Variants in CATSPERB observed in about 807,000 individuals in gnomAD.
CATSPERB encodes the protein catsper channel auxiliary subunit beta.
Under a neutral mutation model 128.3 loss-of-function variants are expected in CATSPERB, and 93 were observed. That is an observed-to-expected ratio of 0.72 (90% confidence interval 0.61 to 0.86). The LOEUF is 0.86. Ranked by LOEUF, CATSPERB falls within the 40% of genes least tolerant of loss-of-function variation. The probability of loss-of-function intolerance (pLI) is 0.00; values close to 1 mark genes in which losing one functional copy is unlikely to be tolerated. For synonymous variants in CATSPERB, 381 were observed against 448.8 expected (o/e 0.85, Z 1.91); for missense variants, 1,153 against 1,329.5 (o/e 0.87, Z 2.06).
rs1447787894 is a variant in CATSPERB at position 91,672,850 on chromosome 14, T to C, written c.1128+17A>G. 1.3e-6 allele frequency: 2 copies of C among 1,520,526 alleles called. No individual in the cohort carries two copies. The highest frequency in any genetic ancestry group is 1.8e-6 in the Non-Finnish European group (2 of 1,142,678). 94.2% of individuals were successfully genotyped at this position (1,520,526 alleles called of 1,614,324 possible). A position where few individuals can be genotyped will look rare whatever the true frequency, so the allele number is the denominator to read the frequency against. On this transcript the variant is annotated intron_variant, in intron 13 of 26. Transcript: ENST00000256343. Reference sequence around the variant, plus strand: ...TTGTCATGTCAAGATAAATTCCCTCTGGGATATAAGGCCTACCTTGTTATA... The same window carrying C: ...TTGTCATGTCAAGATAAATTCCCTCCGGGATATAAGGCCTACCTTGTTATA...
In CATSPERB at chr14:91,617,704, C is replaced by G; in HGVS notation, c.2293G>C (p.Val765Leu). ...FRMLEIPLLT[V>L]FVGNPNLLEV... Reference sequence around the variant, plus strand: ...AACAAATTAGGGTTTCCAACAAACACAGTCAGTAGTGGTATTTCAAGCATT... The same window carrying G: ...AACAAATTAGGGTTTCCAACAAACAGAGTCAGTAGTGGTATTTCAAGCATT... Residue 765 changes from valine to leucine, a missense_variant, in exon 20 of 27, where the codon GTG becomes CTG. By Grantham distance (32) the Val-to-Leu change is conservative (BLOSUM62 1). Coordinates refer to ENST00000256343, the MANE Select transcript of CATSPERB (RefSeq NM_024764.4). The G allele has an allele frequency of 1.9e-6, 3 of 1,602,940 alleles. No individual in the cohort carries two copies. Among genetic ancestry groups the G allele is most frequent in the Non-Finnish European group, 2.6e-6 (3 of 1,176,152 alleles).
At chr14:91,704,169 A>G (rs1404801686) in intron 7 of CATSPERB, among the ~76,000 whole-genome samples, 1 of 152,224 alleles carries the variant, frequency 6.6e-6, no homozygotes, top group Admixed American at 6.5e-5. Flanking sequence ...ATGCTCTCAG[A>G]TATTACAGTA....
At chr14:91,702,353 A>G (rs1331374102) in intron 7 of CATSPERB, among the ~76,000 whole-genome samples, 1 of 150,988 alleles carries the variant, frequency 6.6e-6, no homozygotes, top group African/African-American at 2.4e-5. Flanking sequence ...GTTGGTGCAA[A>G]AAAAATCGCG....
chr14:91,676,785 A>G (rs1483241269), intron 11 of CATSPERB, among the ~76,000 whole-genome samples: 2 of 152,218 alleles, frequency 1.3e-5, no homozygotes, highest in Non-Finnish European at 2.9e-5. Flanking sequence ...AGCAAAAAGA[A>G]CAAAGCTGGA....
intron 13 of CATSPERB, 54 bp from the exon 14 acceptor site, chr14:91,670,026 A>C (rs1208436493): frequency 6.7e-7 from 1 of 1,496,962 alleles, no homozygotes; most frequent in Non-Finnish European, 9.1e-7. Context: ...TACAAATTTT[A>C]GAATTTCCTG....
intron 20 of CATSPERB, among the ~76,000 whole-genome samples, chr14:91,611,528 T>C (rs1893826077): frequency 6.6e-6 from 1 of 152,242 alleles, no homozygotes; most frequent in East Asian, 1.9e-4. Flanking sequence ...GAGAATTGCT[T>C]GAGCCCGGGA....
At chr14:91,727,560 AAC>A (rs1896138073) in intron 2 of CATSPERB, among the ~76,000 whole-genome samples, 1 of 152,242 alleles carries the variant, frequency 6.6e-6, no homozygotes, top group African/African-American at 2.4e-5. Flanking sequence ...TATAATGTTA[AAC>A]AGTTTTCAAA....
chr14:91,614,146 C>T (rs148017241), intron 20 of CATSPERB, among the ~76,000 whole-genome samples: 4 of 152,290 alleles, frequency 2.6e-5, no homozygotes, highest in African/African-American at 9.6e-5. Flanking sequence ...GTAACACTAT[C>T]ACATTTAATT....
chr14:91,722,398 C>T (rs1398541395), intron 4 of CATSPERB, among the ~76,000 whole-genome samples: 2 of 152,122 alleles, frequency 1.3e-5, no homozygotes, highest in African/African-American at 4.8e-5. Flanking sequence ...AGAAGCCAGT[C>T]ATGAACACTA....
chr14:91,708,671 A>T (rs1895778272), intron 5 of CATSPERB, among the ~76,000 whole-genome samples: 5 of 152,194 alleles, frequency 3.3e-5, no homozygotes. Flanking sequence ...ATGAATGAAG[A>T]CAGAAAAAGA....
intron 5 of CATSPERB, among the ~76,000 whole-genome samples, chr14:91,716,640 C>CT (rs1462823717): frequency 6.6e-6 from 1 of 151,578 alleles, no homozygotes; most frequent in African/African-American, 2.4e-5. Context: ...TGCCACTACA[C>CT]TTTTTTTTAG....
chr14:91,583,380 T>C (rs779251759), intron 26 of CATSPERB, among the ~76,000 whole-genome samples: 1 of 152,038 alleles, frequency 6.6e-6, no homozygotes, highest in South Asian at 2.1e-4. Flanking sequence ...GATCGTGCCA[T>C]GGCACTCCAG....
chr14:91,698,055 A>G (rs950421459), intron 7 of CATSPERB, among the ~76,000 whole-genome samples: 1 of 151,846 alleles, frequency 6.6e-6, no homozygotes, highest in African/African-American at 2.4e-5. Flanking sequence ...GATTTATTTG[A>G]GCAGTGTTTT....
intron 5 of CATSPERB, among the ~76,000 whole-genome samples, chr14:91,716,083 G>T (rs1001959113): frequency 6.6e-6 from 1 of 152,138 alleles, no homozygotes; most frequent in Admixed American, 6.5e-5. Flanking sequence ...TTAGCCTTCA[G>T]CAAAATTGAA....
At chr14:91,692,978 A>G in intron 9 of CATSPERB, 148 bp downstream of exon 9, 1 of 602,588 alleles carries the variant, frequency 1.7e-6, no homozygotes, top group Non-Finnish European at 2.9e-6. Flanking sequence ...TAAAGGAAAA[A>G]GTTACTGTAT....
chr14:91,666,572 A>G (rs891810438), intron 14 of CATSPERB, among the ~76,000 whole-genome samples: 1 of 152,184 alleles, frequency 6.6e-6, no homozygotes, highest in Non-Finnish European at 1.5e-5. Flanking sequence ...CCAGTGGCAT[A>G]CCTAAGTAAA....
intron 22 of CATSPERB, chr14:91,592,579 T>A (rs1476356903): frequency 6.5e-6 from 1 of 153,612 alleles, no homozygotes; most frequent in East Asian, 1.9e-4. Context: ...CAATCATAGC[T>A]CACTGCAGTC....
At chr14:91,617,533 T>C in intron 20 of CATSPERB, 64 bp downstream of exon 20, 1 of 1,233,328 alleles carries the variant, frequency 8.1e-7, no homozygotes, top group African/African-American at 1.5e-5. Flanking sequence ...TAAATATTAA[T>C]AATAGTTGTT....
chr14:91,638,906 T>C (rs1894432093), intron 16 of CATSPERB, among the ~76,000 whole-genome samples, 190 bp downstream of exon 16: 1 of 152,194 alleles, frequency 6.6e-6, no homozygotes, highest in Non-Finnish European at 1.5e-5. Flanking sequence ...TATAATTCCA[T>C]ATGGGACTTG....
Sources: gnomAD v4.1 joint callset for allele counts (sites outside exome capture counted in the v4.1 genomes callset) on GRCh38, gnomAD v4.1.1 for gene constraint, MANE v1.5 for transcripts, NCBI Gene and HGNC (gene_info 2026-07-23, HGNC 2026-07-21) for gene names.